Variants in SHISA9 observed in about 807,000 individuals in gnomAD.
SHISA9 encodes the protein shisa family member 9.
In SHISA9, 13 loss-of-function variants were observed where a neutral mutation model predicts 38.0. The observed-to-expected ratio is 0.34, with a 90% CI of 0.22 to 0.54. The LOEUF is 0.54. Among genes scored for constraint, SHISA9 ranks in the 20% least tolerant of loss-of-function variants. SHISA9 has a pLI of 0.91. For synonymous variants in SHISA9, 275 were observed against 242.0 expected (o/e 1.14, Z -1.27); for missense variants, 538 against 575.8 (o/e 0.93, Z 0.67).
intron 2 of SHISA9, among the ~76,000 whole-genome samples, chr16:13,116,115 C>G (rs1224803397): frequency 6.6e-6 from 1 of 152,160 alleles, no homozygotes; most frequent in Non-Finnish European, 1.5e-5. Flanking sequence ...GCTTGGATAG[C>G]TCCTTACTTA....
chr16:13,268,488 G>A, the SHISA9 span, among the ~76,000 whole-genome samples: 2 of 151,942 alleles, frequency 1.3e-5, no homozygotes, highest in Non-Finnish European at 2.9e-5. Context: ...CATCCTGGGT[G>A]ACAAAAGCAA....
chr16:13,366,736 C>G, the SHISA9 span, among the ~76,000 whole-genome samples: 1 of 151,960 alleles, frequency 6.6e-6, no homozygotes, highest in Non-Finnish European at 1.5e-5. Context: ...GCCTGTTATC[C>G]CAGCGCTTTG....
chr16:13,263,657 T>A, the SHISA9 span, among the ~76,000 whole-genome samples: 1 of 152,218 alleles, frequency 6.6e-6, no homozygotes, highest in African/African-American at 2.4e-5. Context: ...CTGGCATTTC[T>A]TTATAGCAAC....
the SHISA9 span, among the ~76,000 whole-genome samples, chr16:13,528,439 A>G: frequency 6.6e-6 from 1 of 152,124 alleles, no homozygotes; most frequent in Non-Finnish European, 1.5e-5. Flanking sequence ...AAAAAAGTCC[A>G]CTGGAGCATG....
chr16:13,004,962 A>AAAAAGAAGGAAAGAAAAGAAAAG (rs2072579764), intron 2 of SHISA9, among the ~76,000 whole-genome samples: 2 of 127,636 alleles, frequency 1.6e-5, no homozygotes, highest in Non-Finnish European at 3.1e-5. Context: ...AAAAAAAGAA[A>AAAAAGAAGGAAAGAAAAGAAAAG]AAAAGAAAGA....
intron 2 of SHISA9, among the ~76,000 whole-genome samples, chr16:13,092,242 G>C (rs1189476023): frequency 6.6e-6 from 1 of 152,350 alleles, no homozygotes; most frequent in Non-Finnish European, 1.5e-5. Context: ...GTTGGCCCCT[G>C]CTGGGAGGTG....
chr16:13,460,319 A>G, the SHISA9 span, among the ~76,000 whole-genome samples: 1 of 152,138 alleles, frequency 6.6e-6, no homozygotes, highest in East Asian at 1.9e-4. Flanking sequence ...GTCACATCAT[A>G]ATGATATCAA....
At chr16:13,364,026 G>A in the SHISA9 span, among the ~76,000 whole-genome samples, 2 of 152,100 alleles carry the variant, frequency 1.3e-5, no homozygotes, top group Non-Finnish European at 2.9e-5. Context: ...CAAGTTTGAG[G>A]GTCACTGATC....
chr16:13,189,655 G>A (rs968314471), intron 2 of SHISA9, among the ~76,000 whole-genome samples: 1 of 152,204 alleles, frequency 6.6e-6, no homozygotes, highest in Non-Finnish European at 1.5e-5. Context: ...CGATGTGGAA[G>A]GCATGTGTTT....
At chr16:13,316,094 A>G in the SHISA9 span, among the ~76,000 whole-genome samples, 2 of 151,982 alleles carry the variant, frequency 1.3e-5, no homozygotes, top group Non-Finnish European at 2.9e-5. Context: ...TGGAAAGGGC[A>G]TATCACAGGG....
At chr16:13,104,649 T>A (rs923576894) in intron 2 of SHISA9, among the ~76,000 whole-genome samples, 1 of 152,098 alleles carries the variant, frequency 6.6e-6, no homozygotes, top group African/African-American at 2.4e-5. Context: ...AAATGGCAAA[T>A]CTATTGGGAA....
At chr16:13,370,610 C>T in the SHISA9 span, among the ~76,000 whole-genome samples, 1 of 152,134 alleles carries the variant, frequency 6.6e-6, no homozygotes, top group African/African-American at 2.4e-5. Context: ...GAGAGCTTTC[C>T]AAACATGTGA....
the SHISA9 span, among the ~76,000 whole-genome samples, chr16:13,249,218 G>C: frequency 1.3e-5 from 2 of 152,136 alleles, no homozygotes; most frequent in Non-Finnish European, 2.9e-5. Context: ...TCCCAGTAAG[G>C]AAGATGAGTT....
At chr16:13,394,001 C>T in the SHISA9 span, among the ~76,000 whole-genome samples, 4 of 152,236 alleles carry the variant, frequency 2.6e-5, no homozygotes, top group East Asian at 1.9e-4. Context: ...CTGTGGGCAA[C>T]GTGACCTTCC....
the SHISA9 span, among the ~76,000 whole-genome samples, chr16:13,274,389 G>C: frequency 2.6e-5 from 4 of 151,950 alleles, no homozygotes; most frequent in Non-Finnish European, 5.9e-5. Context: ...TATATACTTA[G>C]GAAATGCACT....
chr16:13,197,876 G>C (rs2050963129), intron 2 of SHISA9, among the ~76,000 whole-genome samples: 1 of 152,126 alleles, frequency 6.6e-6, no homozygotes, highest in African/African-American at 2.4e-5. Context: ...CTATTGCTAT[G>C]ACTGTGGAAA....
Position 12,902,096 on chromosome 16 carries a change from G to A in SHISA9, c.32G>A (p.Cys11Tyr). MRRVLRLLLG[C>Y]FLTELCARVC... The stretch of plus-strand genomic sequence containing the variant: ...CGCGTCCTTCGGCTGCTCCTCGGTT[G>A]CTTCCTCACCGAGCTGTGCGCCCGC... Residue 11 changes from cysteine to tyrosine, a missense_variant, in exon 1 of 5, where the codon TGC (cysteine) becomes TAC (tyrosine). Transcript: ENST00000558583. 1 of 1,495,698 alleles carries A rather than the reference G, an allele frequency of 6.7e-7. No individual in the cohort carries two copies. The highest frequency in any genetic ancestry group is 1.5e-5 in the African/African-American group (1 of 68,520). 92.7% of individuals were successfully genotyped at this position (1,495,698 alleles called of 1,614,324 possible).
At chr16:13,387,150 C>A in the SHISA9 span, among the ~76,000 whole-genome samples, 1 of 152,178 alleles carries the variant, frequency 6.6e-6, no homozygotes, top group African/African-American at 2.4e-5. Flanking sequence ...GAATTTGCAA[C>A]CAGCACCATG....
chr16:13,543,231 A>G, the SHISA9 span, among the ~76,000 whole-genome samples: 1 of 152,098 alleles, frequency 6.6e-6, no homozygotes, highest in East Asian at 1.9e-4. Flanking sequence ...ATACAGTACA[A>G]TGTGGTATAA....
Sources: allele counts gnomAD v4.1 joint callset (sites outside exome capture counted in the v4.1 genomes callset), GRCh38; gene constraint gnomAD v4.1.1; transcripts MANE v1.5; gene names NCBI Gene and HGNC (gene_info 2026-07-23, HGNC 2026-07-21).